COL2A1: variants seen among roughly 807,000 people sequenced by gnomAD.
The protein encoded by COL2A1 is collagen alpha-1(II) chain.
In COL2A1, 28 loss-of-function variants were observed where a neutral mutation model predicts 204.5. That is an observed-to-expected ratio of 0.14 (90% CI 0.10 to 0.19). COL2A1 has a LOEUF of 0.19. COL2A1 is among the 10% of genes least tolerant of loss of function. The pLI, the probability that COL2A1 is intolerant of heterozygous loss-of-function variation, is 1.00. For synonymous variants in COL2A1, 708 were observed against 718.7 expected (o/e 0.99, Z 0.24); for missense variants, 1,388 against 2,027.5 (o/e 0.68, Z 6.06).
Position 47,995,319 on chromosome 12 carries a change from AG to A in COL2A1, c.709-12del. 6.2e-7 allele frequency: 1 copy of A among 1,611,872 alleles called. No individual in the cohort carries two copies. Among genetic ancestry groups the A allele is most frequent in the Non-Finnish European group, 8.5e-7 (1 of 1,177,916 alleles). On this transcript the variant is annotated splice_polypyrimidine_tract_variant and intron_variant, in intron 10 of 53. Coordinates refer to ENST00000380518, the MANE Select transcript of COL2A1 (RefSeq NM_001844.5). ...GGGACCCATGGGACCCTACAAACAA[AG>A]GAAGATAGTTTAAGAGATGGTTATA...
Position 47,976,940 on chromosome 12 carries a change from G to A in COL2A1, c.3328-21C>T, listed in dbSNP as rs952693851. 2.3e-5 allele frequency: 37 copies of A among 1,582,586 alleles called. No homozygotes were observed. The highest frequency in any genetic ancestry group is 1.7e-4 in the Middle Eastern group (1 of 6,012). On this transcript the variant is annotated intron_variant, in intron 47 of 53. Coordinates refer to ENST00000380518, the MANE Select transcript of COL2A1 (RefSeq NM_001844.5). This position sits in a 1 kb window ranked among gnomAD's most constrained non-coding sequence, Gnocchi z 4.3. ...GGACCCTGGGAACAAGACAGACACC[G>A]ATTGAGTCAGGTCAGGGCCAGGACA...
chr12:47,982,657 T>C, intron 33 of COL2A1, 48 bp from the exon 34 acceptor site: 1 of 1,394,850 alleles, frequency 7.2e-7, no homozygotes, highest in Non-Finnish European at 1.0e-6. Context: ...CACCTCTCCC[T>C]GAACCCATGT....
At chr12:47,989,871 C>G in intron 16 of COL2A1, 66 bp from the exon 17 acceptor site, 1 of 1,497,342 alleles carries the variant, frequency 6.7e-7, no homozygotes, top group South Asian at 1.1e-5. Context: ...GCTCCCAGCC[C>G]ACCCTTACAG....
In COL2A1 at chr12:47,987,721, C is replaced by G; in HGVS notation, c.1123-12G>C. ...GGGCCGGCTTCACCCTGGGAAGAGA[C>G]AGGGAGGATGAAATGAAGAAGAAGA... On this transcript the variant is annotated splice_polypyrimidine_tract_variant and intron_variant, in intron 18 of 53. Transcript: ENST00000380518. The surrounding 1 kb of genome is among the most constrained non-coding windows in gnomAD (Gnocchi z 4.1). 1 of 1,602,218 alleles carries G rather than the reference C, an allele frequency of 6.2e-7. No individual in the cohort carries two copies.
At chr12:47,982,056 G>A (rs1939121482) in intron 35 of COL2A1, 51 bp downstream of exon 35, 2 of 1,566,166 alleles carry the variant, frequency 1.3e-6, no homozygotes, top group Non-Finnish European at 8.8e-7. Flanking sequence ...TCTCCTGGGT[G>A]CAGGGCTAGG....
chr12:47,981,923 C>T (rs1276326244), intron 35 of COL2A1, 94 bp from the exon 36 acceptor site: 17 of 1,381,670 alleles, frequency 1.2e-5, no homozygotes, highest in East Asian at 9.5e-5. Context: ...GTGCTCCCAC[C>T]GCCTCCAGAG....
intron 2 of COL2A1, chr12:47,999,634 A>AGTTTTT: frequency 6.6e-6 from 1 of 152,618 alleles, no homozygotes; most frequent in Admixed American, 8.7e-5. Context: ...TTCAGAGAGG[A>AGTTTTT]TTTTTTTTTT....
upstream of COL2A1, among the ~76,000 whole-genome samples, chr12:48,004,862 C>T (rs566718483): frequency 6.6e-6 from 1 of 152,318 alleles, no homozygotes; most frequent in African/African-American, 2.4e-5. Context: ...GCCGAGAGCC[C>T]TAGACCAAGG....
At chr12:48,002,595 T>A (rs549790177) in intron 1 of COL2A1, 1 of 152,344 alleles carries the variant, frequency 6.6e-6, no homozygotes, top group South Asian at 2.1e-4. Flanking sequence ...TACCGCCTAA[T>A]TAAGCAAGCG....
chr12:47,989,651 A>T (rs1939606972), intron 17 of COL2A1, 110 bp downstream of exon 17: 2 of 911,626 alleles, frequency 2.2e-6, no homozygotes, highest in African/African-American at 3.2e-5. Context: ...TCCAGTAGAC[A>T]TCAGAGTGCT....
Position 47,996,606 on chromosome 12 carries a change from G to C in COL2A1, c.551C>G (p.Ala184Gly). ...GLGGNFAAQM[A>G]GGFDEKAGGA... ...ACCAGCCTTTTCATCAAATCCTCCA[G>C]CCATCTGGGCAGCAAAGTTCTGCAA... Residue 184 changes from alanine to glycine, a missense_variant, in exon 8 of 54, where the codon GCT becomes GGT. By Grantham distance (60) the Ala-to-Gly change is moderately conservative. This residue lies in a region of COL2A1 where 201 missense variants were observed against 242.4 expected (regional missense o/e 0.83). Coordinates refer to ENST00000380518, the MANE Select transcript of COL2A1 (RefSeq NM_001844.5). The C allele has an allele frequency of 1.9e-6, 3 of 1,614,190 alleles. No homozygotes were observed. Among genetic ancestry groups the C allele is most frequent in the Non-Finnish European group, 1.7e-6 (2 of 1,180,042 alleles).
chr12:47,973,978 C>A, intron 53 of COL2A1, 111 bp downstream of exon 53: 1 of 1,496,158 alleles, frequency 6.7e-7, no homozygotes, highest in Non-Finnish European at 9.3e-7. Context: ...CAAACTCATG[C>A]CTCTGATGAT....
At chr12:47,993,131 G>T (rs770109634) in intron 15 of COL2A1, among the ~76,000 whole-genome samples, 200 bp from the exon 16 acceptor site, 6 of 152,166 alleles carry the variant, frequency 3.9e-5, no homozygotes, top group Non-Finnish European at 8.8e-5. Context: ...CTCCACAGGC[G>T]GAACACACGA....
intron 29 of COL2A1, 105 bp downstream of exon 29, chr12:47,983,982 C>T (rs887428754): frequency 8.0e-6 from 9 of 1,119,398 alleles, no homozygotes; most frequent in Non-Finnish European, 1.2e-5. Context: ...ATCAGCTCAG[C>T]CCACATTCAC....
At chr12:47,991,772 G>A (rs1019903161) in intron 16 of COL2A1, among the ~76,000 whole-genome samples, 8 of 152,152 alleles carry the variant, frequency 5.3e-5, no homozygotes, top group South Asian at 4.1e-4. Flanking sequence ...TCTGAGCCTC[G>A]CTAAAAGGCC....
Position 47,974,324 on chromosome 12 carries a change from T to C in COL2A1, c.4082A>G (p.Tyr1361Cys), listed in dbSNP as rs1363571034. ...GTTGGGAGCCAGATTGTCATCTCCA[T>C]AGCTGAACTGTTGGGGCAGAGAGCG... Reference protein sequence around the residue: ...ETINGGFHFSYGDDNLAPNTA... With the variant: ...ETINGGFHFSCGDDNLAPNTA... Residue 1361 changes from tyrosine to cysteine, a missense_variant, in exon 53 of 54, where the codon TAT (tyrosine) becomes TGT (cysteine). Transcript: ENST00000380518. The C allele has an allele frequency of 1.9e-6, 3 of 1,613,828 alleles. No individual in the cohort carries two copies. Among genetic ancestry groups the C allele is most frequent in the East Asian group, 2.2e-5 (1 of 44,894 alleles).
At chr12:47,993,066 G>A in intron 15 of COL2A1, 135 bp from the exon 16 acceptor site, 1 of 822,274 alleles carries the variant, frequency 1.2e-6, no homozygotes, top group Non-Finnish European at 2.1e-6. Context: ...AGGACCTCCT[G>A]ATGGTGCTGG....
chr12:47,977,522 TGCC>T lies in COL2A1; in HGVS notation c.3165+75_3165+77del. Reference sequence around the variant, plus strand: ...GGCTGAGATGAGACTTGTTCCAACCTGCCACCCCCAGCTGACCTGTCAGGCCCG... The same window carrying T: ...GGCTGAGATGAGACTTGTTCCAACCTACCCCCAGCTGACCTGTCAGGCCCG... On this transcript the variant is annotated intron_variant, in intron 45 of 53. Transcript: ENST00000380518. The T allele has an allele frequency of 6.3e-6, 10 of 1,598,396 alleles. No individual in the cohort carries two copies. In the South Asian group the frequency reaches 1.1e-4, roughly 18 times the overall value.
Position 47,973,288 on chromosome 12 carries a change from G to T in COL2A1, c.*119C>A. The T allele has an allele frequency of 1.5e-6, 2 of 1,313,656 alleles. No individual in the cohort carries two copies. Among genetic ancestry groups the T allele is most frequent in the South Asian group, 2.3e-5 (2 of 85,172 alleles). The allele number at this position is 1,313,656 out of a possible 1,614,324, so 81.4% of individuals were successfully genotyped here. A position where few individuals can be genotyped will look rare whatever the true frequency, so the allele number is the denominator to read the frequency against. On this transcript the variant is annotated 3_prime_UTR_variant, in exon 54 of 54. Transcript: ENST00000380518. ...AAAAGTCCGAACTGTGAGAGGGTGG[G>T]ATGAATGGACATCAGGTCAGGTCAG...
Sources: allele counts gnomAD v4.1 joint callset (sites outside exome capture counted in the v4.1 genomes callset), GRCh38; gene constraint gnomAD v4.1.1; regional missense constraint gnomAD v4.1.1; non-coding constraint Gnocchi (gnomAD v3.1); transcripts MANE v1.5; gene names NCBI Gene and HGNC (gene_info 2026-07-23, HGNC 2026-07-21).